RPN1: variants seen among roughly 807,000 people sequenced by gnomAD.
RPN1 encodes the protein dolichyl-diphosphooligosaccharide--protein glycosyltransferase subunit 1.
A neutral mutation model predicts 55.5 loss-of-function variants in RPN1; 12 were observed. The observed-to-expected ratio is 0.22, with a 90% CI of 0.14 to 0.35. The LOEUF is 0.35. RPN1 is among the 10% of genes least tolerant of loss of function. The pLI is 1.00. For missense variants in RPN1, 679 were observed against 761.3 expected (o/e 0.89, Z 1.27); for synonymous variants, 317 against 305.9 (o/e 1.04, Z -0.38).
At chr3:128,621,055 G>A (rs181794335) in intron 9 of RPN1, among the ~76,000 whole-genome samples, 1 of 152,272 alleles carries the variant, frequency 6.6e-6, no homozygotes, top group East Asian at 1.9e-4. Flanking sequence ...ATTGAGGACT[G>A]GTATAGTCAC....
Position 128,622,225 on chromosome 3 carries a change from G to A in RPN1, c.1580C>T (p.Thr527Ile). The change falls in exon 9 of 10, where the codon ACC becomes ATC. Residue 527 changes from threonine (T) to isoleucine (I), a missense_variant. Physicochemically the swap from Thr to Ile is moderately conservative, Grantham distance 89 (BLOSUM62 -1). Transcript: ENST00000296255. The stretch of plus-strand genomic sequence containing the variant: ...GGACTGCAGCAGTGCAATCTCACTG[G>A]TCAAGGCCTTGTGTTCAGTCTCCAG... ...KSLETEHKAL[T>I]SEIALLQSRL... is the part of the protein sequence containing the mutation. 1 of 1,614,138 alleles carries A rather than the reference G, an allele frequency of 6.2e-7. No homozygotes were observed. The highest frequency in any genetic ancestry group is 8.5e-7 in the Non-Finnish European group (1 of 1,179,952).
At chr3:128,628,294 GAA>G (rs1162000512) in intron 5 of RPN1, among the ~76,000 whole-genome samples, 5 of 40,592 alleles carry the variant, frequency 1.2e-4, no homozygotes, top group African/African-American at 4.3e-4. Flanking sequence ...AAGTGAGACA[GAA>G]AAAAAAAAAA....
intron 1 of RPN1, 122 bp downstream of exon 1, chr3:128,650,418 G>T: frequency 9.4e-7 from 1 of 1,065,762 alleles, no homozygotes; most frequent in South Asian, 1.7e-5. Context: ...CCTGTGCCCC[G>T]CCCGCCGCCC....
intron 8 of RPN1, among the ~76,000 whole-genome samples, chr3:128,623,020 A>G (rs2069572140): frequency 6.6e-6 from 1 of 152,210 alleles, no homozygotes; most frequent in South Asian, 2.1e-4. Context: ...AGTCTTGCCC[A>G]TTTAATCAGC....
At chr3:128,621,174 A>C (rs1267178809) in intron 9 of RPN1, among the ~76,000 whole-genome samples, 1 of 152,234 alleles carries the variant, frequency 6.6e-6, no homozygotes, top group Non-Finnish European at 1.5e-5. Context: ...ACAGATGCTG[A>C]CATATAATTA....
chr3:128,627,770 CAAAAAA>C (rs71689582), intron 5 of RPN1, among the ~76,000 whole-genome samples: 2 of 71,982 alleles, frequency 2.8e-5, no homozygotes, highest in African/African-American at 1.2e-4. Flanking sequence ...GACTCCATCT[CAAAAAA>C]AAAAAAAAAA....
At chr3:128,638,456 C>G (rs2811493) in intron 2 of RPN1, among the ~76,000 whole-genome samples, 137,893 of 152,254 alleles carry the variant, frequency 0.91, 62,578 homozygotes, top group African/African-American at 0.94. Flanking sequence ...GAAACAGCTA[C>G]ATATCTGTCT....
chr3:128,644,828 C>T, intron 2 of RPN1, 91 bp downstream of exon 2: 1 of 776,444 alleles, frequency 1.3e-6, no homozygotes. Flanking sequence ...GCAGGCACTT[C>T]CTAAGCAACT....
In RPN1 at chr3:128,650,627, C is replaced by G; in HGVS notation, c.174G>C (p.Leu58=). ...KVTAEVVLAH[L]GGGSTSRATS... is the part of the protein sequence containing the mutation. The stretch of plus-strand genomic sequence containing the variant: ...TAGCTCGGGACGTGGAGCCGCCGCC[C>G]AGGTGCGCCAGGACCACCTCGGCCG... Residue 58 remains leucine, a synonymous_variant, in exon 1 of 10, where the codon CTG becomes CTC. Coordinates refer to ENST00000296255, the MANE Select transcript of RPN1 (RefSeq NM_002950.4). The G allele has an allele frequency of 6.4e-7, 1 of 1,553,938 alleles. No homozygotes were observed. The highest frequency in any genetic ancestry group is 1.4e-5 in the African/African-American group (1 of 73,488).
rs369591181 is a variant in RPN1, at chr3:128,625,588, G to A, written c.1341C>T (p.Tyr447=). The A allele has an allele frequency of 6.2e-7, 1 of 1,614,148 alleles. No homozygotes were observed. Among genetic ancestry groups the A allele is most frequent in the Admixed American group, 1.7e-5 (1 of 60,016 alleles). The change falls in exon 8 of 10, where the codon TAC becomes TAT. Residue 447 remains tyrosine, a synonymous_variant. Transcript: ENST00000296255. ...QEPLLVVAAF[Y]ILFFTVIIYV... ...AGATGATAACGGTGAAGAACAGGAT[G>A]TAGAAGGCCGCCACCACCAGCAGGG...
At chr3:128,643,794 A>C (rs2069746589) in intron 2 of RPN1, among the ~76,000 whole-genome samples, 1 of 137,616 alleles carries the variant, frequency 7.3e-6, no homozygotes, top group South Asian at 2.2e-4. Flanking sequence ...AAACTCTCTC[A>C]AAAAAAAAAA....
intron 4 of RPN1, 26 bp from the exon 5 acceptor site, chr3:128,630,169 T>TA (rs1560022070): frequency 6.5e-7 from 1 of 1,545,242 alleles, no homozygotes; most frequent in South Asian, 1.1e-5. Context: ...TATGCCCTTC[T>TA]AAAACTCCAG....
At chr3:128,636,263 C>A (rs1428663888) in intron 3 of RPN1, among the ~76,000 whole-genome samples, 1 of 152,008 alleles carries the variant, frequency 6.6e-6, no homozygotes, top group African/African-American at 2.4e-5. Context: ...GAGTTCAAGA[C>A]CAGCCTGGCC....
At chr3:128,629,694 A>AT (rs1202607184) in intron 5 of RPN1, among the ~76,000 whole-genome samples, 1 of 152,238 alleles carries the variant, frequency 6.6e-6, no homozygotes, top group Non-Finnish European at 1.5e-5. Flanking sequence ...ATTTAAAGGA[A>AT]TTTCAGCGGT....
chr3:128,623,197 G>T (rs2069573076), intron 8 of RPN1, among the ~76,000 whole-genome samples: 1 of 152,138 alleles, frequency 6.6e-6, no homozygotes, highest in Non-Finnish European at 1.5e-5. Flanking sequence ...TTGAGGTCAG[G>T]CGTTCAAGAC....
Position 128,624,964 on chromosome 3 carries a change from G to A in RPN1, c.1395+570C>T, listed in dbSNP as rs765703656. Among the ~76,000 whole-genome samples, 68 of 152,302 alleles carry A rather than the reference G, an allele frequency of 4.5e-4. 1 individual carries two copies. Among genetic ancestry groups the A allele is most frequent in the Middle Eastern group, 3.4e-3 (1 of 294 alleles). On this transcript the variant is annotated intron_variant, in intron 8 of 9. Transcript: ENST00000296255. ...GCCTGGTACTAGTGCCTACCCTGGG[G>A]CATGGAGCCAAGAGCCCTAAGGAAC...
At chr3:128,646,928 G>A (rs368078222) in intron 1 of RPN1, among the ~76,000 whole-genome samples, 18 of 147,888 alleles carry the variant, frequency 1.2e-4, no homozygotes, top group Admixed American at 7.4e-4. Context: ...AGCTGAGATC[G>A]TGCCACTGCA....
intron 5 of RPN1, 41 bp from the exon 6 acceptor site, chr3:128,626,873 G>C: frequency 6.4e-7 from 1 of 1,562,542 alleles, no homozygotes; most frequent in East Asian, 2.2e-5. Flanking sequence ...GTGGAAAACG[G>C]ATCAAATGGG....
intron 1 of RPN1, among the ~76,000 whole-genome samples, chr3:128,650,161 G>A (rs915524768): frequency 2.0e-5 from 3 of 152,240 alleles, no homozygotes; most frequent in African/African-American, 7.2e-5. Context: ...CCTTACGGAA[G>A]GGAGGTGCGT....
Sources: allele counts gnomAD v4.1 joint callset (sites outside exome capture counted in the v4.1 genomes callset), GRCh38; gene constraint gnomAD v4.1.1; transcripts MANE v1.5; gene names NCBI Gene and HGNC (gene_info 2026-07-23, HGNC 2026-07-21).